Variants in TANC1 observed in about 807,000 individuals in gnomAD.
TANC1 encodes protein TANC1.
In TANC1, 77 loss-of-function variants were observed where a neutral mutation model predicts 149.7. The ratio of observed to expected loss-of-function variants is 0.51; its 90% confidence interval spans 0.43 to 0.62. The LOEUF (loss-of-function observed/expected upper bound fraction) is 0.62. TANC1 is among the 20% of genes least tolerant of loss of function. The pLI is 0.00. For missense variants in TANC1, 1,985 were observed against 2,321.8 expected (o/e 0.85, Z 2.98); for synonymous variants, 854 against 925.0 (o/e 0.92, Z 1.39).
chr2:159,084,209 C>T (rs993851584), intron 3 of TANC1, among the ~76,000 whole-genome samples: 1 of 151,166 alleles, frequency 6.6e-6, no homozygotes, highest in Non-Finnish European at 1.5e-5. Context: ...GAGATCGTGC[C>T]ACTGCACTCC....
intron 2 of TANC1, among the ~76,000 whole-genome samples, chr2:159,059,896 G>A (rs1166623254): frequency 1.7e-5 from 2 of 114,394 alleles, no homozygotes; most frequent in African/African-American, 9.6e-5. Flanking sequence ...CTTTGTGTGT[G>A]TGTGTGTGTG....
chr2:159,155,160 C>T (rs1019041395), intron 7 of TANC1, among the ~76,000 whole-genome samples: 5 of 152,034 alleles, frequency 3.3e-5, no homozygotes, highest in Non-Finnish European at 7.4e-5. Context: ...ATGTACATAT[C>T]GTGATAAAAT....
intron 1 of TANC1, among the ~76,000 whole-genome samples, chr2:158,979,749 T>C (rs1476976463): frequency 6.6e-6 from 1 of 152,194 alleles, no homozygotes; most frequent in Non-Finnish European, 1.5e-5. Flanking sequence ...TAGGTATGGT[T>C]TGACAATTTG....
At chr2:159,113,570 A>T (rs1203372539) in intron 4 of TANC1, among the ~76,000 whole-genome samples, 2 of 152,192 alleles carry the variant, frequency 1.3e-5, no homozygotes, top group Non-Finnish European at 2.9e-5. Context: ...ACTGGTCCTG[A>T]CATCTGAGAT....
At chr2:158,977,573 A>G (rs537901653) in intron 1 of TANC1, among the ~76,000 whole-genome samples, 2 of 151,660 alleles carry the variant, frequency 1.3e-5, no homozygotes, top group Admixed American at 1.3e-4. Context: ...GGCCTCCCAA[A>G]GTGCTGGGAT....
At chr2:159,115,521 A>G (rs1189894244) in intron 4 of TANC1, among the ~76,000 whole-genome samples, 2 of 152,184 alleles carry the variant, frequency 1.3e-5, no homozygotes, top group Non-Finnish European at 2.9e-5. Context: ...AAAGTACTCA[A>G]GGCAGGGGCT....
intron 3 of TANC1, among the ~76,000 whole-genome samples, chr2:159,094,150 T>A (rs2045840512): frequency 6.6e-6 from 1 of 152,202 alleles, no homozygotes; most frequent in South Asian, 2.1e-4. Flanking sequence ...TACTCATGTG[T>A]GAGTAGGGGA....
chr2:159,039,392 A>G (rs558847685), intron 2 of TANC1, among the ~76,000 whole-genome samples: 1 of 152,126 alleles, frequency 6.6e-6, no homozygotes, highest in East Asian at 1.9e-4. Flanking sequence ...GCCTTCTGCT[A>G]GCTTTTGAAT....
intron 2 of TANC1, among the ~76,000 whole-genome samples, chr2:159,016,161 C>CA (rs1367173200): frequency 3.9e-5 from 6 of 152,214 alleles, no homozygotes; most frequent in Non-Finnish European, 8.8e-5. Flanking sequence ...GAGGAACTCT[C>CA]ACAATCATGG....
At chr2:159,110,462 A>G (rs2047612419) in intron 4 of TANC1, among the ~76,000 whole-genome samples, 1 of 152,122 alleles carries the variant, frequency 6.6e-6, no homozygotes, top group Admixed American at 6.5e-5. Flanking sequence ...AAGCCACCCA[A>G]TCTATGTTTG....
intron 3 of TANC1, among the ~76,000 whole-genome samples, chr2:159,086,532 C>T (rs2149821858): frequency 6.6e-6 from 1 of 152,240 alleles, no homozygotes; most frequent in South Asian, 2.1e-4. Flanking sequence ...AAAAGTGAGA[C>T]CTTCCTGGAA....
Position 159,230,186 on chromosome 2 carries a change from C to T in TANC1, c.4760C>T (p.Thr1587Ile). 1 of 1,614,050 alleles carries T rather than the reference C, an allele frequency of 6.2e-7. No homozygotes were observed. Among genetic ancestry groups the T allele is most frequent in the Admixed American group, 1.7e-5 (1 of 60,028 alleles). The change falls in exon 27 of 27, where the codon ACT becomes ATT. Residue 1587 changes from threonine (T) to isoleucine (I), a missense_variant. By Grantham distance (89) the Thr-to-Ile change is moderately conservative. Transcript: ENST00000263635. The surrounding 1 kb of genome is among the most constrained non-coding windows in gnomAD (Gnocchi z 4.4). ...ACCCAGCATTTAGAGGGAACAGGTA[C>T]TTTCACTACAAGAGCTGGTTGTGGC... ...SRTQHLEGTG[T>I]FTTRAGCGHF... is the part of the protein sequence containing the mutation.
At chr2:159,085,476 G>A (rs2044740314) in intron 3 of TANC1, among the ~76,000 whole-genome samples, 1 of 152,066 alleles carries the variant, frequency 6.6e-6, no homozygotes, top group African/African-American at 2.4e-5. Context: ...TATTAGGGCC[G>A]ATATACACAA....
intron 1 of TANC1, among the ~76,000 whole-genome samples, chr2:158,981,489 TTTTATA>T (rs1403590739): frequency 5.2e-4 from 27 of 51,688 alleles, no homozygotes; most frequent in South Asian, 2.8e-3. Flanking sequence ...AATATATAGC[TTTTATA>T]TATATATATA....
intron 2 of TANC1, among the ~76,000 whole-genome samples, chr2:159,032,268 GT>G (rs1353476935): frequency 5.3e-5 from 8 of 152,208 alleles, no homozygotes; most frequent in African/African-American, 1.9e-4. Flanking sequence ...CAGAATGGCA[GT>G]GCTTTTGAGA....
chr2:159,185,801 G>T lies in TANC1; in HGVS notation c.2521G>T (p.Ala841Ser), dbSNP rs199500274. 1.1e-5 allele frequency: 18 copies of T among 1,613,770 alleles called. No individual in the cohort carries two copies. The highest frequency in any genetic ancestry group is 1.4e-5 in the Non-Finnish European group (17 of 1,179,818). Residue 841 changes from alanine (A) to serine (S), a missense_variant, in exon 15 of 27, where the codon GCG becomes TCG. By Grantham distance (99) the Ala-to-Ser change is moderately conservative. Coordinates refer to ENST00000263635, the MANE Select transcript of TANC1 (RefSeq NM_033394.3). ...AFLCEPRNGH[A>S]LLAFMFSRQE... ...TATTCCTTCCCCTAGGAACGGGCAC[G>T]CGCTCTTGGCATTCATGTTCTCGCG...
chr2:159,212,634 C>T (rs1230370116), intron 19 of TANC1, among the ~76,000 whole-genome samples: 1 of 152,136 alleles, frequency 6.6e-6, no homozygotes, highest in Non-Finnish European at 1.5e-5. Flanking sequence ...TAAAAACCAT[C>T]ATCCCGGCTG....
intron 2 of TANC1, among the ~76,000 whole-genome samples, chr2:159,005,822 A>G (rs1283524116): frequency 2.0e-5 from 3 of 152,022 alleles, no homozygotes; most frequent in Non-Finnish European, 4.4e-5. Context: ...AAAAAAGAAA[A>G]TTGTCCTTGA....
chr2:159,042,564 G>A (rs1256762938), intron 2 of TANC1, among the ~76,000 whole-genome samples: 1 of 152,022 alleles, frequency 6.6e-6, no homozygotes, highest in Admixed American at 6.6e-5. Flanking sequence ...ACCAGCCCTG[G>A]AGAGACTGGT....
Sources: allele counts gnomAD v4.1 joint callset (sites outside exome capture counted in the v4.1 genomes callset), GRCh38; gene constraint gnomAD v4.1.1; non-coding constraint Gnocchi (gnomAD v3.1); transcripts MANE v1.5; gene names NCBI Gene and HGNC (gene_info 2026-07-23, HGNC 2026-07-21).